Variants in TPO observed in about 807,000 individuals in gnomAD.
TPO encodes thyroid microsomal antigen.
A neutral mutation model predicts 96.9 loss-of-function variants in TPO; 78 were observed. The observed-to-expected ratio is 0.81, with a 90% confidence interval of 0.67 to 0.97. The LOEUF is 0.97. Among genes scored for constraint, TPO ranks in the 50% least tolerant of loss-of-function variants. TPO has a pLI of 0.00. For missense variants in TPO, 1,252 were observed against 1,274.8 expected (o/e 0.98, Z 0.27); for synonymous variants, 547 against 538.0 (o/e 1.02, Z -0.23).
chr2:1,510,125 T>C (rs1240379410), intron 14 of TPO, among the ~76,000 whole-genome samples: 1 of 152,232 alleles, frequency 6.6e-6, no homozygotes, highest in Non-Finnish European at 1.5e-5. Flanking sequence ...CAGAGCACTC[T>C]CAATCATGGA....
chr2:1,542,574 G>A lies in TPO; in HGVS notation c.*100G>A, dbSNP rs1459305156. 1.3e-6 allele frequency: 2 copies of A among 1,575,836 alleles called. No homozygotes were observed. Among genetic ancestry groups the A allele is most frequent in the African/African-American group, 1.3e-5 (1 of 74,284 alleles). Reference sequence around the variant, plus strand: ...CAAATCCGAAATCAGCAGGACGACTGTTTTCCCAACACGGGTAAATCTAGT... The same window carrying A: ...CAAATCCGAAATCAGCAGGACGACTATTTTCCCAACACGGGTAAATCTAGT... On this transcript the variant is annotated 3_prime_UTR_variant, in exon 17 of 17. Coordinates refer to ENST00000329066, the MANE Select transcript of TPO (RefSeq NM_001206744.2).
At chr2:1,426,436 T>C (rs1391786652) in intron 3 of TPO, among the ~76,000 whole-genome samples, 3 of 152,110 alleles carry the variant, frequency 2.0e-5, no homozygotes, top group African/African-American at 7.2e-5. Flanking sequence ...AAGTCCATGC[T>C]TCTTCTGTAA....
chr2:1,518,940 G>A (rs28913029), intron 15 of TPO, among the ~76,000 whole-genome samples: 2,496 of 152,310 alleles, frequency 0.016, 75 homozygotes, highest in East Asian at 0.13. Flanking sequence ...AGACTGTCCT[G>A]GAGTAGAGGG....
intron 1 of TPO, among the ~76,000 whole-genome samples, chr2:1,390,159 TC>T (rs933639094): frequency 8.5e-5 from 11 of 128,872 alleles, no homozygotes; most frequent in Admixed American, 4.8e-4. Context: ...CCTAATGCTA[TC>T]CCCCCCCAGC....
intron 5 of TPO, among the ~76,000 whole-genome samples, chr2:1,436,673 T>C (rs1313132314): frequency 1.3e-5 from 2 of 152,182 alleles, no homozygotes; most frequent in African/African-American, 2.4e-5. Flanking sequence ...ACCTAAGAGC[T>C]CAAGCCACGT....
chr2:1,503,238 G>C (rs1358825954), intron 13 of TPO, among the ~76,000 whole-genome samples: 1 of 152,242 alleles, frequency 6.6e-6, no homozygotes, highest in Non-Finnish European at 1.5e-5. Flanking sequence ...ACCCAGGCCA[G>C]CTCTGTTCCC....
chr2:1,389,633 A>T lies in TPO; in HGVS notation n.180+15231A>T, dbSNP rs980682688. Among the ~76,000 whole-genome samples the T allele has an allele frequency of 7.9e-5, 12 of 152,148 alleles. No individual in the cohort carries two copies. The South Asian group carries it at 8.3e-4, about 11-fold the overall frequency. ...ATTTGCTCAGTAGGGCTTCCTCCCA[A>T]GCCATGGCATGCTCTTACTTGGGCC... On this transcript the variant is annotated intron_variant and non_coding_transcript_variant, in intron 1 of 5. Coordinates refer to the TPO transcript ENST00000497517.
intron 8 of TPO, among the ~76,000 whole-genome samples, chr2:1,482,376 G>A (rs1378633046): frequency 6.6e-6 from 1 of 152,222 alleles, no homozygotes; most frequent in Non-Finnish European, 1.5e-5. Context: ...CTTTGGCAGA[G>A]GCTGTGGGGA....
At chr2:1,424,484 C>G (rs1385327063) in intron 3 of TPO, among the ~76,000 whole-genome samples, 1 of 152,164 alleles carries the variant, frequency 6.6e-6, no homozygotes. Flanking sequence ...GTGGGATCCA[C>G]TCAGGTGGTT....
intron 4 of TPO, among the ~76,000 whole-genome samples, chr2:1,434,319 G>C (rs1665338596): frequency 6.6e-6 from 1 of 152,188 alleles, no homozygotes; most frequent in Admixed American, 6.5e-5. Flanking sequence ...CTTGGCCTCT[G>C]AGTTCTTCCT....
chr2:1,464,839 C>G (rs1444837600), intron 7 of TPO, among the ~76,000 whole-genome samples: 1 of 152,128 alleles, frequency 6.6e-6, no homozygotes, highest in Non-Finnish European at 1.5e-5. Flanking sequence ...TTTTCTCCCA[C>G]TCTGTGAGTT....
intron 5 of TPO, among the ~76,000 whole-genome samples, chr2:1,443,353 T>C (rs1415423945): frequency 1.3e-5 from 2 of 151,552 alleles, no homozygotes; most frequent in Non-Finnish European, 2.9e-5. Flanking sequence ...AGGTACCATG[T>C]TGGAAGGGAA....
At chr2:1,476,924 C>CG (rs1022377180) in intron 7 of TPO, among the ~76,000 whole-genome samples, 162 bp from the exon 8 acceptor site, 18 of 147,568 alleles carry the variant, frequency 1.2e-4, no homozygotes, top group East Asian at 6.0e-4. Context: ...GTAAGCAGGC[C>CG]GGGGGGGGAG....
chr2:1,503,993 C>G lies in TPO; in HGVS notation c.2432C>G (p.Ser811Cys). The change falls in exon 14 of 17, where the codon TCT (serine) becomes TGT (cysteine). Residue 811 changes from serine (S) to cysteine (C), a missense_variant. Coordinates refer to ENST00000329066, the MANE Select transcript of TPO (RefSeq NM_001206744.2). ...ADGAHPPCHA[S>C]ARCRNTKGGF... Reference sequence around the variant, plus strand: ...GGTGCCCACCCCCCCTGCCACGCCTCTGCGAGGTGCAGAAACACCAAAGGC... The same window carrying G: ...GGTGCCCACCCCCCCTGCCACGCCTGTGCGAGGTGCAGAAACACCAAAGGC... 1.2e-6 allele frequency: 2 copies of G among 1,614,220 alleles called. No homozygotes were observed. Among genetic ancestry groups the G allele is most frequent in the Non-Finnish European group, 1.7e-6 (2 of 1,180,042 alleles).
At chr2:1,480,820 A>ACCTCCCTCCTCGTTCATC (rs1558339107) in intron 8 of TPO, among the ~76,000 whole-genome samples, 1 of 151,852 alleles carries the variant, frequency 6.6e-6, no homozygotes, top group Non-Finnish European at 1.5e-5. Flanking sequence ...CGTCCACACC[A>ACCTCCCTCCTCGTTCATC]CGTCCCTGCT....
intron 1 of TPO, among the ~76,000 whole-genome samples, chr2:1,397,082 T>C (rs764141637): frequency 1.1e-4 from 16 of 152,104 alleles, no homozygotes; most frequent in Non-Finnish European, 1.8e-4. Flanking sequence ...ATCTGAAAGG[T>C]GGAAACAATA....
intron 5 of TPO, among the ~76,000 whole-genome samples, chr2:1,446,000 G>T (rs561903972): frequency 1.3e-5 from 2 of 152,256 alleles, no homozygotes; most frequent in African/African-American, 4.8e-5. Context: ...AGAATCCATC[G>T]CCATAGTGAC....
chr2:1,433,476 T>C lies in TPO; in HGVS notation c.218T>C (p.Leu73Pro), dbSNP rs1478800617. The change falls in exon 4 of 17, where the codon CTT becomes CCT. Residue 73 changes from leucine to proline, a missense_variant. Transcript: ENST00000329066. The stretch of plus-strand genomic sequence containing the variant: ...AGAGGAATCCTTTCTCCAGCTCAGC[T>C]TCTGTCTTTTTCCAAACTTCCTGAG... ...KKRGILSPAQ[L>P]LSFSKLPEPT... 2.5e-6 allele frequency: 4 copies of C among 1,614,096 alleles called. No homozygotes were observed. In the Admixed American group the frequency reaches 6.7e-5, roughly 27 times the overall value.
chr2:1,427,252 C>T (rs1450062153), intron 3 of TPO, among the ~76,000 whole-genome samples: 3 of 152,202 alleles, frequency 2.0e-5, no homozygotes, highest in Admixed American at 6.5e-5. Context: ...GTGAGCTTGC[C>T]GGCCCAGGCT....
Sources: allele counts gnomAD v4.1 joint callset (sites outside exome capture counted in the v4.1 genomes callset), GRCh38; gene constraint gnomAD v4.1.1; transcripts MANE v1.5; gene names NCBI Gene and HGNC (gene_info 2026-07-23, HGNC 2026-07-21).